TFDP2: variants seen among roughly 807,000 people sequenced by gnomAD.
TFDP2 encodes the protein transcription factor Dp-2, also known as transcription factor Dp-2 (E2F dimerization partner 2).
TFDP2 carries 17 observed loss-of-function variants against 59.3 expected under a neutral mutation model. The ratio of observed to expected loss-of-function variants is 0.29; its 90% confidence interval spans 0.20 to 0.43. TFDP2 has a LOEUF of 0.43. Ranked by LOEUF, TFDP2 falls within the 20% of genes least tolerant of loss-of-function variation. The pLI, the probability that TFDP2 is intolerant of heterozygous loss-of-function variation, is 1.00. For synonymous variants in TFDP2, 180 were observed against 194.7 expected (o/e 0.92, Z 0.63); for missense variants, 391 against 528.8 (o/e 0.74, Z 2.56).
rs1234905392 is a variant in TFDP2 at position 141,949,140 on chromosome 3, AG to A, written c.*3372del. 6.6e-6 allele frequency: 1 copy of A among 151,986 alleles called. No individual in the cohort carries two copies. Among genetic ancestry groups the A allele is most frequent in the African/African-American group, 2.4e-5 (1 of 41,388 alleles). 9.4% of individuals were successfully genotyped at this position (151,986 alleles called of 1,614,324 possible). ...TCTGATAGGAGCTACCTTGTTTTCA[AG>A]GACTGACTCTGGCATTATTTTTCAA... On this transcript the variant is annotated 3_prime_UTR_variant, in exon 13 of 13. Transcript: ENST00000489671.
intron 8 of TFDP2, among the ~76,000 whole-genome samples, chr3:141,973,645 T>A (rs1266404204): frequency 6.6e-6 from 1 of 151,750 alleles, no homozygotes; most frequent in Non-Finnish European, 1.5e-5. Flanking sequence ...TTCAGAATAT[T>A]GTGTAACCAA....
chr3:141,975,789 CCT>C (rs892518390), intron 7 of TFDP2, among the ~76,000 whole-genome samples: 1 of 151,842 alleles, frequency 6.6e-6, no homozygotes, highest in Non-Finnish European at 1.5e-5. Flanking sequence ...ATGCCAATTT[CCT>C]CTTTTTGATA....
chr3:141,978,756 T>A (rs756346317), intron 6 of TFDP2, 74 bp from the exon 7 acceptor site: 101 of 1,119,346 alleles, frequency 9.0e-5, no homozygotes, highest in Non-Finnish European at 1.2e-4. Context: ...TGTAAGATAA[T>A]GCAAGAAGAC....
At chr3:142,107,949 T>C (rs1430060220) in intron 1 of TFDP2, among the ~76,000 whole-genome samples, 3 of 152,154 alleles carry the variant, frequency 2.0e-5, no homozygotes, top group African/African-American at 7.2e-5. Flanking sequence ...ATAGGACATA[T>C]ACATATGCCA....
chr3:141,973,471 G>A (rs1433232910), intron 8 of TFDP2, among the ~76,000 whole-genome samples: 1 of 152,100 alleles, frequency 6.6e-6, no homozygotes, highest in Non-Finnish European at 1.5e-5. Context: ...CAGGGAACAT[G>A]CTCATTTAGG....
intron 1 of TFDP2, among the ~76,000 whole-genome samples, chr3:142,140,374 A>T (rs531025797): frequency 1.3e-5 from 2 of 152,294 alleles, no homozygotes; most frequent in Non-Finnish European, 2.9e-5. Context: ...CAACTCATCA[A>T]AGTCATTCTC....
intron 6 of TFDP2, among the ~76,000 whole-genome samples, chr3:141,987,592 G>A (rs1942248666): frequency 6.6e-6 from 1 of 151,132 alleles, no homozygotes; most frequent in Admixed American, 6.6e-5. Context: ...GTGTGTGTGT[G>A]TGTGTGTGTG....
intron 3 of TFDP2, among the ~76,000 whole-genome samples, chr3:142,089,156 G>T (rs2060915014): frequency 6.6e-6 from 1 of 151,684 alleles, no homozygotes; most frequent in Non-Finnish European, 1.5e-5. Context: ...CCTCAATTGA[G>T]TTCAGTGCTG....
intron 1 of TFDP2, among the ~76,000 whole-genome samples, chr3:142,130,713 C>T (rs1415021151): frequency 6.6e-6 from 1 of 151,870 alleles, no homozygotes; most frequent in Non-Finnish European, 1.5e-5. Context: ...GATGGTTACA[C>T]AACAATATGA....
chr3:142,103,329 AGAAAAAAAAAAC>A (rs908797370), intron 1 of TFDP2, among the ~76,000 whole-genome samples: 5 of 152,136 alleles, frequency 3.3e-5, no homozygotes, highest in Non-Finnish European at 7.4e-5. Context: ...ACACTGAACT[AGAAAAAAAAAAC>A]TGCTGTGAAG....
chr3:142,121,272 C>T lies in TFDP2; in HGVS notation c.-92-19431G>A, dbSNP rs774399705. ...ATCATGTACCCAGCATTGTGCTCTA[C>T]CCAAGAGACATAACGGAGTCCCACC... On this transcript the variant is annotated intron_variant, in intron 1 of 12. Transcript: ENST00000489671. The surrounding 1 kb of genome is among the most constrained non-coding windows in gnomAD (Gnocchi z 4.3). Among the ~76,000 whole-genome samples, 3 of 152,078 alleles carry T rather than the reference C, an allele frequency of 2.0e-5. No individual in the cohort carries two copies. The highest frequency in any genetic ancestry group is 1.3e-4 in the Admixed American group (2 of 15,262).
At chr3:142,015,015 C>T (rs867122571) in intron 3 of TFDP2, among the ~76,000 whole-genome samples, 5 of 152,256 alleles carry the variant, frequency 3.3e-5, no homozygotes, top group South Asian at 4.1e-4. Context: ...TTACTTTAAC[C>T]TTCCATCTAC....
At chr3:141,974,234 AAG>A in intron 7 of TFDP2, 43 bp from the exon 8 acceptor site, 2 of 1,522,516 alleles carry the variant, frequency 1.3e-6, no homozygotes, top group Non-Finnish European at 1.8e-6. Flanking sequence ...CTTAAGGGTT[AAG>A]ATACAGTCAC....
At chr3:142,049,057 T>C (rs1947483346) in intron 3 of TFDP2, among the ~76,000 whole-genome samples, 1 of 152,194 alleles carries the variant, frequency 6.6e-6, no homozygotes, top group Non-Finnish European at 1.5e-5. Flanking sequence ...AGCAGATTTC[T>C]TATAAAAAGT....
chr3:142,031,019 G>A (rs1397400775), intron 3 of TFDP2, among the ~76,000 whole-genome samples: 1 of 152,050 alleles, frequency 6.6e-6, no homozygotes, highest in Non-Finnish European at 1.5e-5. Context: ...TGGGATTACA[G>A]GCGTGAGCCA....
chr3:141,949,788 C>T lies in TFDP2; in HGVS notation c.*2725G>A. ...TGCCACTATAACAAAGAAGCCTGGG[C>T]ATTGTGACCACAACTTCCATTTTTT... On this transcript the variant is annotated 3_prime_UTR_variant, in exon 13 of 13. Transcript: ENST00000489671. 6.7e-6 allele frequency: 1 copy of T among 149,388 alleles called. No homozygotes were observed. Among genetic ancestry groups the T allele is most frequent in the Non-Finnish European group, 1.5e-5 (1 of 68,956 alleles). 9.3% of individuals were successfully genotyped at this position (149,388 alleles called of 1,614,324 possible).
chr3:141,953,078 C>T, intron 11 of TFDP2, 62 bp from the exon 12 acceptor site: 2 of 1,203,902 alleles, frequency 1.7e-6, no homozygotes, highest in South Asian at 1.3e-5. Context: ...GCTGTTGTTA[C>T]AGTCTGAGGA....
chr3:141,977,599 T>C (rs1940893596), intron 7 of TFDP2, among the ~76,000 whole-genome samples: 1 of 152,130 alleles, frequency 6.6e-6, no homozygotes. Context: ...GAATTTTTTA[T>C]AAACATATTT....
At chr3:142,072,910 T>C (rs1349945049) in intron 3 of TFDP2, among the ~76,000 whole-genome samples, 1 of 152,162 alleles carries the variant, frequency 6.6e-6, no homozygotes, top group East Asian at 1.9e-4. Flanking sequence ...AGGGAGAGCA[T>C]AACTCCCTGC....
Sources: gnomAD v4.1 joint callset for allele counts (sites outside exome capture counted in the v4.1 genomes callset) on GRCh38, gnomAD v4.1.1 for gene constraint, Gnocchi (gnomAD v3.1) non-coding constraint, MANE v1.5 for transcripts, NCBI Gene and HGNC (gene_info 2026-07-23, HGNC 2026-07-21) for gene names.